The following GRXCR1 variants were observed in gnomAD, a reference collection of about 807,000 sequenced individuals.
GRXCR1 encodes glutaredoxin domain-containing cysteine-rich protein 1.
Under a neutral mutation model 27.3 loss-of-function variants are expected in GRXCR1, and 27 were observed. The observed-to-expected ratio is 0.99, with a 90% CI of 0.73 to 1.37. The LOEUF (loss-of-function observed/expected upper bound fraction) is 1.37. Among genes scored for constraint, GRXCR1 ranks in the 40% most tolerant of loss-of-function variants. The probability of loss-of-function intolerance (pLI) is 0.00; values close to 1 mark genes in which losing one functional copy is unlikely to be tolerated. For synonymous variants in GRXCR1, 122 were observed against 131.1 expected, an observed-to-expected ratio of 0.93 and a Z score of 0.47; for missense variants, 379 against 354.4, an observed-to-expected ratio of 1.07 and a Z score of -0.56.
At chr4:42,987,085 T>C (rs1400062077) in intron 2 of GRXCR1, among the ~76,000 whole-genome samples, 1 of 150,018 alleles carries the variant, frequency 6.7e-6, no homozygotes, top group Admixed American at 6.7e-5. Flanking sequence ...CTACATACTA[T>C]GCTAGTTGTG....
chr4:42,995,718 G>A (rs1398724849), intron 2 of GRXCR1, among the ~76,000 whole-genome samples: 3 of 152,188 alleles, frequency 2.0e-5, no homozygotes, highest in Non-Finnish European at 4.4e-5. Flanking sequence ...ATAAATTGGT[G>A]AATCAGGCAA....
At position 42,950,018 on chromosome 4, in the gene GRXCR1, C is replaced by T. The variant is rs148723891; in HGVS notation, c.385-12874C>T. 1.9e-3 allele frequency among the ~76,000 whole-genome samples: 296 copies of T among 152,256 alleles called. 3 individuals carry two copies. The highest frequency in any genetic ancestry group is 6.8e-3 in the African/African-American group (281 of 41,560). ...TAGATTCTTACAGCATCCAAATGCA[C>T]AGAAAGGGATTGGCTGCATTTAGGT... On this transcript the variant is annotated intron_variant, in intron 1 of 3. Coordinates refer to ENST00000399770, the MANE Select transcript of GRXCR1 (RefSeq NM_001080476.3).
In GRXCR1 at chr4:42,916,888, A is replaced by G. The variant is rs534553096; in HGVS notation, c.384+23238A>G. ...TTTGCAAGATGATGATTTCTTCCCT[A>G]TGGTTATTAGTCCGTAATTTTATGT... On this transcript the variant is annotated intron_variant, in intron 1 of 3. Coordinates refer to ENST00000399770, the MANE Select transcript of GRXCR1 (RefSeq NM_001080476.3). 6.6e-5 allele frequency among the ~76,000 whole-genome samples: 10 copies of G among 152,210 alleles called. No individual in the cohort carries two copies. In the South Asian group the frequency reaches 2.1e-3, roughly 32 times the overall value.
intron 2 of GRXCR1, among the ~76,000 whole-genome samples, chr4:43,019,731 G>A (rs373352886): frequency 6.6e-6 from 1 of 152,098 alleles, no homozygotes; most frequent in South Asian, 2.1e-4. Context: ...TGCCCTACCT[G>A]TGTTTAAATT....
intron 1 of GRXCR1, among the ~76,000 whole-genome samples, chr4:42,932,643 G>GAGAC (rs1747355283): frequency 7.3e-6 from 1 of 136,456 alleles, no homozygotes; most frequent in Non-Finnish European, 1.6e-5. Flanking sequence ...GAGAGAGAGA[G>GAGAC]AGAGAGAGAG....
At chr4:42,984,421 T>C (rs1241426115) in intron 2 of GRXCR1, among the ~76,000 whole-genome samples, 1 of 152,236 alleles carries the variant, frequency 6.6e-6, no homozygotes, top group Non-Finnish European at 1.5e-5. Flanking sequence ...CACTTTATTT[T>C]GTCTCTTTGG....
At chr4:42,975,445 A>T (rs961859378) in intron 2 of GRXCR1, among the ~76,000 whole-genome samples, 1 of 152,114 alleles carries the variant, frequency 6.6e-6, no homozygotes, top group Non-Finnish European at 1.5e-5. Context: ...CTGAGACTTA[A>T]CAGCCCAATG....
chr4:42,984,246 T>C (rs927718955), intron 2 of GRXCR1, among the ~76,000 whole-genome samples: 2 of 152,254 alleles, frequency 1.3e-5, no homozygotes, highest in Non-Finnish European at 2.9e-5. Flanking sequence ...TATAAAAACA[T>C]TTAATCTCTT....
rs1377615369 is a variant in GRXCR1 at position 42,987,237 on chromosome 4, A to AT, written c.627+24104dup. Among the ~76,000 whole-genome samples the AT allele has an allele frequency of 2.6e-3, 173 of 65,478 alleles. 1 individual carries two copies. Among genetic ancestry groups the AT allele is most frequent in the African/African-American group, 8.2e-3 (165 of 20,016 alleles). The allele number at this position is 65,478 out of a possible 152,430, so 43.0% of individuals were successfully genotyped here. A position where few individuals can be genotyped will look rare whatever the true frequency, so the allele number is the denominator to read the frequency against. On this transcript the variant is annotated intron_variant, in intron 2 of 3. Transcript: ENST00000399770. ...TATATATATATTATATATTATATAT[A>AT]TATAATATATAATATATATATATAA...
At chr4:42,907,964 T>C (rs564123185) in intron 1 of GRXCR1, among the ~76,000 whole-genome samples, 1 of 152,300 alleles carries the variant, frequency 6.6e-6, no homozygotes, top group East Asian at 1.9e-4. Context: ...ATTCTAGCCA[T>C]TGGCAATGTA....
At chr4:42,985,983 T>G (rs1036658182) in intron 2 of GRXCR1, among the ~76,000 whole-genome samples, 1 of 152,212 alleles carries the variant, frequency 6.6e-6, no homozygotes, top group Non-Finnish European at 1.5e-5. Flanking sequence ...CATGATGTTA[T>G]ATATGATTAC....
chr4:42,990,205 T>G (rs1711923068), intron 2 of GRXCR1, among the ~76,000 whole-genome samples: 1 of 71,258 alleles, frequency 1.4e-5, no homozygotes, highest in Admixed American at 1.7e-4. Context: ...TTTTTTTTTT[T>G]TTTTGAGACG....
rs572539319 is a variant in GRXCR1, at chr4:42,893,120, T to C, written c.-147T>C. The C allele has an allele frequency of 1.4e-3, 1,188 of 869,356 alleles. No individual in the cohort carries two copies. Among genetic ancestry groups the C allele is most frequent in the Non-Finnish European group, 2.0e-3 (1,024 of 517,640 alleles). 53.9% of individuals were successfully genotyped at this position (869,356 alleles called of 1,614,324 possible). The stretch of plus-strand genomic sequence containing the variant: ...AATAGCAGAGACACACTGTAAGTCC[T>C]TGGGAATCTTCTTTCCTTTTGATGT... On this transcript the variant is annotated 5_prime_UTR_variant, in exon 1 of 4. Coordinates refer to ENST00000399770, the MANE Select transcript of GRXCR1 (RefSeq NM_001080476.3).
At chr4:42,902,069 T>C (rs1746473821) in intron 1 of GRXCR1, among the ~76,000 whole-genome samples, 1 of 152,172 alleles carries the variant, frequency 6.6e-6, no homozygotes, top group South Asian at 2.1e-4. Flanking sequence ...ATTTAAAATC[T>C]TTTTGGACTC....
At chr4:42,962,748 A>T (rs1748152621) in intron 1 of GRXCR1, 144 bp from the exon 2 acceptor site, 3 of 855,696 alleles carry the variant, frequency 3.5e-6, no homozygotes, top group African/African-American at 1.7e-5. Context: ...AGATGTTGTA[A>T]CTTAAAAAGG....
intron 2 of GRXCR1, among the ~76,000 whole-genome samples, chr4:42,991,233 G>T (rs938097625): frequency 6.6e-6 from 1 of 151,392 alleles, no homozygotes; most frequent in Non-Finnish European, 1.5e-5. Flanking sequence ...GTTAATTTTG[G>T]TTCGTCTCTT....
rs33967620 is a variant in GRXCR1 at position 42,931,576 on chromosome 4, AT to A, written c.385-31307del. Among the ~76,000 whole-genome samples, 23 of 151,078 alleles carry A rather than the reference AT, an allele frequency of 1.5e-4. No individual in the cohort carries two copies. The East Asian group carries it at 2.5e-3, about 17-fold the overall frequency. ...GTGATAGCCTCTTTGGGTCCTTTCA[AT>A]TTTTTTTTAAGAAATTTATTATTAA... On this transcript the variant is annotated intron_variant, in intron 1 of 3. Coordinates refer to ENST00000399770, the MANE Select transcript of GRXCR1 (RefSeq NM_001080476.3).
intron 1 of GRXCR1, among the ~76,000 whole-genome samples, chr4:42,913,565 T>C (rs566747387): frequency 6.6e-6 from 1 of 152,274 alleles, no homozygotes; most frequent in Non-Finnish European, 1.5e-5. Context: ...AATTGGAGCA[T>C]GAAAGTTTAG....
rs1348131580 is a variant in GRXCR1 at position 42,892,886 on chromosome 4, T to C, written c.-381T>C. On this transcript the variant is annotated 5_prime_UTR_variant, in exon 1 of 4. Transcript: ENST00000399770. ...TGAATAGTAGAGACATGTCCACTGC[T>C]CAGGTCCTTTTCAATGCCCACCATT... Among the ~76,000 whole-genome samples the C allele has an allele frequency of 6.6e-6, 1 of 152,144 alleles. No homozygotes were observed. Among genetic ancestry groups the C allele is most frequent in the African/African-American group, 2.4e-5 (1 of 41,448 alleles).
Sources: allele counts gnomAD v4.1 joint callset (sites outside exome capture counted in the v4.1 genomes callset), GRCh38; gene constraint gnomAD v4.1.1; transcripts MANE v1.5; gene names NCBI Gene and HGNC (gene_info 2026-07-23, HGNC 2026-07-21).